The following MAN2B1 variants were observed in gnomAD, a reference collection of about 807,000 sequenced individuals.
MAN2B1 encodes the protein mannosidase alpha class 2B member 1.
In MAN2B1, 99 loss-of-function variants were observed where a neutral mutation model predicts 127.5. That is an observed-to-expected ratio of 0.78 (90% CI 0.66 to 0.92). The LOEUF (loss-of-function observed/expected upper bound fraction) is 0.92, where lower values mean the gene tolerates loss of function less well. MAN2B1 is among the 40% of genes least tolerant of loss of function. MAN2B1 has a pLI of 0.00. For missense variants in MAN2B1, 1,304 were observed against 1,384.8 expected, an observed-to-expected ratio of 0.94 and a Z score of 0.93; for synonymous variants, 573 against 568.8, an observed-to-expected ratio of 1.01 and a Z score of -0.11.
chr19:12,648,390 G>C lies in MAN2B1; in HGVS notation c.2449C>G (p.Leu817Val). 1.2e-6 allele frequency: 2 copies of C among 1,612,208 alleles called. No individual in the cohort carries two copies. Among genetic ancestry groups the C allele is most frequent in the Non-Finnish European group, 1.7e-6 (2 of 1,178,866 alleles). ...GSLELMVHRR[L>V]LKDDGRGVSE... Reference sequence around the variant, plus strand: ...ACTCCGCGTCCATCGTCCTTCAGCAGCCTTCGGTGCACCTGGGGGGAGAGT... The same window carrying C: ...ACTCCGCGTCCATCGTCCTTCAGCACCCTTCGGTGCACCTGGGGGGAGAGT... Residue 817 changes from leucine (L) to valine (V), a missense_variant, in exon 21 of 24, where the codon CTG becomes GTG. Leu to Val is a conservative substitution (Grantham distance 32, BLOSUM62 1). Coordinates refer to ENST00000456935, the MANE Select transcript of MAN2B1 (RefSeq NM_000528.4).
chr19:12,662,034 A>G lies in MAN2B1; in HGVS notation c.910-658T>C, dbSNP rs573070004. Among the ~76,000 whole-genome samples the G allele has an allele frequency of 2.6e-5, 4 of 152,204 alleles. No individual in the cohort carries two copies. The South Asian group carries it at 8.3e-4, about 32-fold the overall frequency. ...TAATTTTTGTATTTTTAGTAGAGAC[A>G]GGGTTTCGTCATTTTGGCTATGCTG... On this transcript the variant is annotated intron_variant, in intron 6 of 23. Transcript: ENST00000456935.
intron 7 of MAN2B1, among the ~76,000 whole-genome samples, chr19:12,659,576 G>A (rs1280059297): frequency 2.6e-5 from 4 of 151,602 alleles, no homozygotes; most frequent in Non-Finnish European, 5.9e-5. Flanking sequence ...CCAACACTTT[G>A]GGAGGCCAAG....
chr19:12,648,437 G>C (rs956839427), intron 20 of MAN2B1, 35 bp from the exon 21 acceptor site: 1 of 1,499,866 alleles, frequency 6.7e-7, no homozygotes, highest in Non-Finnish European at 9.2e-7. Context: ...GGTGAGAGTC[G>C]TGGGTTTGTG....
At position 12,648,223 on chromosome 19, in the gene MAN2B1, G is replaced by T; in HGVS notation, c.2616C>A (p.Ala872=). 6.3e-7 allele frequency: 1 copy of T among 1,579,804 alleles called. No individual in the cohort carries two copies. Among genetic ancestry groups the T allele is most frequent in the Non-Finnish European group, 8.6e-7 (1 of 1,168,868 alleles). The change falls in exon 21 of 24, where the codon GCC becomes GCA. Residue 872 remains alanine (A), a synonymous_variant. Coordinates refer to ENST00000456935, the MANE Select transcript of MAN2B1 (RefSeq NM_000528.4). ...QEVLAPQVVL[A]PGGGAAYNLG... is the part of the protein sequence containing the mutation. ...GATTGTAGGCGGCGCCGCCACCCGG[G>T]GCCAGCACCACCTGAGGGGCCAGGA... is the stretch of plus-strand genomic sequence containing the variant.
In MAN2B1 at chr19:12,652,238, T is replaced by A; in HGVS notation, c.1961A>T (p.Asp654Val). The A allele has an allele frequency of 6.2e-7, 1 of 1,614,170 alleles. No individual in the cohort carries two copies. The highest frequency in any genetic ancestry group is 8.5e-7 in the Non-Finnish European group (1 of 1,180,032). ...GAAGATGTAGGCACCTGAGGCCTGG[T>A]CACTTTCGTTGTCACCTATACTGGC... The part of the protein sequence containing the change: ...YNASIGDNES[D>V]QASGAYIFRP... Residue 654 changes from aspartate (D) to valine (V), a missense_variant, in exon 16 of 24, where the codon GAC becomes GTC. Coordinates refer to ENST00000456935, the MANE Select transcript of MAN2B1 (RefSeq NM_000528.4).
Position 12,657,524 on chromosome 19 carries a change from G to A in MAN2B1, c.1341C>T (p.Asp447=), listed in dbSNP as rs529471612. Residue 447 remains aspartate, a synonymous_variant, in exon 11 of 24, where the codon GAC becomes GAT. Transcript: ENST00000456935. ...NEAMAVLQHH[D]AVSGTSRQHV... ...GCTGGCGGGAGGTGCCGCTGACGGC[G>A]TCGTGATGCTGGAGCACAGCCATCG... The A allele has an allele frequency of 1.3e-6, 2 of 1,565,804 alleles. No homozygotes were observed. Among genetic ancestry groups the A allele is most frequent in the Non-Finnish European group, 1.7e-6 (2 of 1,155,644 alleles).
chr19:12,647,492 C>T lies in MAN2B1; in HGVS notation c.2771G>A (p.Gly924Glu), dbSNP rs1346573313. 1.5e-5 allele frequency: 25 copies of T among 1,614,134 alleles called. No individual in the cohort carries two copies. In the Admixed American group the frequency reaches 4.2e-4, roughly 27 times the overall value. The change falls in exon 22 of 24, where the codon GGA becomes GAA. Residue 924 changes from glycine (G) to glutamate (E), a missense_variant. By Grantham distance (98) the Gly-to-Glu change is moderately conservative. Transcript: ENST00000456935. This position sits in a 1 kb window ranked among gnomAD's most constrained non-coding sequence, Gnocchi z 4.9. ...GCTCAGGTTACGTCCGGAATCCTCTCCTACGGCAAACTGGTGCTCCAAGCG... is the reference window on the plus strand; with the variant it reads ...GCTCAGGTTACGTCCGGAATCCTCTTCTACGGCAAACTGGTGCTCCAAGCG... ...LLRLEHQFAV[G>E]EDSGRNLSAP...
intron 12 of MAN2B1, 72 bp from the exon 13 acceptor site, chr19:12,656,759 A>C: frequency 8.2e-7 from 1 of 1,219,338 alleles, no homozygotes; most frequent in South Asian, 1.2e-5. Context: ...TTTGCACAGA[A>C]ACACCCCTGG....
rs2145221414 is a variant in MAN2B1, at chr19:12,647,494, T to C, written c.2769A>G (p.Val923=). ...VLLRLEHQFA[V]GEDSGRNLSA... ...TCAGGTTACGTCCGGAATCCTCTCCTACGGCAAACTGGTGCTCCAAGCGCA... is the reference window on the plus strand; with the variant it reads ...TCAGGTTACGTCCGGAATCCTCTCCCACGGCAAACTGGTGCTCCAAGCGCA... Residue 923 remains valine, a synonymous_variant, in exon 22 of 24, where the codon GTA becomes GTG. Transcript: ENST00000456935. The surrounding 1 kb of genome is among the most constrained non-coding windows in gnomAD (Gnocchi z 4.9). 3 of 1,614,244 alleles carry C rather than the reference T, an allele frequency of 1.9e-6. No homozygotes were observed. Among genetic ancestry groups the C allele is most frequent in the African/African-American group, 1.3e-5 (1 of 75,068 alleles).
At position 12,663,911 on chromosome 19, in the gene MAN2B1, G is replaced by A. The variant is rs1344548746; in HGVS notation, c.631-76C>T. The A allele has an allele frequency of 2.5e-6, 4 of 1,591,610 alleles. No homozygotes were observed. The East Asian group carries it at 6.7e-5, about 27-fold the overall frequency. ...CCACCAAACTCCCCTCTGCTTGGGA[G>A]GGGCAGGTCAGAGCACAGGTTAAAA... On this transcript the variant is annotated intron_variant, in intron 4 of 23. Transcript: ENST00000456935.
Position 12,647,090 on chromosome 19 carries a change from G to A in MAN2B1, c.2923+143C>T. On this transcript the variant is annotated intron_variant, in intron 23 of 23. Transcript: ENST00000456935. The surrounding 1 kb of genome is among the most constrained non-coding windows in gnomAD (Gnocchi z 4.9). ...GCCGCACCCATTTCAGATCCTTTAA[G>A]CCCCTAACCTGGGTCTGGACTCTGC... The A allele has an allele frequency of 1.3e-6, 1 of 765,904 alleles. No individual in the cohort carries two copies. Among genetic ancestry groups the A allele is most frequent in the Non-Finnish European group, 2.2e-6 (1 of 445,648 alleles). The allele number at this position is 765,904 out of a possible 1,614,324, so 47.4% of individuals were successfully genotyped here.
chr19:12,656,443 C>G, intron 13 of MAN2B1, 128 bp downstream of exon 13: 1 of 717,662 alleles, frequency 1.4e-6, no homozygotes, highest in South Asian at 1.6e-5. Context: ...GGAGAAGATA[C>G]AAGAGGGGGG....
Position 12,665,059 on chromosome 19 carries a change from T to A in MAN2B1, c.437-74A>T, listed in dbSNP as rs2024196375. The A allele has an allele frequency of 5.2e-6, 7 of 1,351,396 alleles. No homozygotes were observed. The South Asian group carries it at 8.2e-5, about 16-fold the overall frequency. The allele number at this position is 1,351,396 out of a possible 1,614,324, so 83.7% of individuals were successfully genotyped here. On this transcript the variant is annotated intron_variant, in intron 3 of 23. Coordinates refer to ENST00000456935, the MANE Select transcript of MAN2B1 (RefSeq NM_000528.4). ...GGAGTAGGGTGGGTGATACTGGGAA[T>A]GTGAAAGCCTGCCTGTGTACACATT...
rs864621985 is a variant in MAN2B1, at chr19:12,657,495, A to G, written c.1370T>C (p.Val457Ala). Residue 457 changes from valine to alanine, a missense_variant, in exon 11 of 24, where the codon GTG (valine) becomes GCG (alanine). Transcript: ENST00000456935. ...AAGCTGGCGCGCGTAGTCGTTGGCC[A>G]CGTGCTGGCGGGAGGTGCCGCTGAC... is the stretch of plus-strand genomic sequence containing the variant. ...DAVSGTSRQH[V>A]ANDYARQLAA... is the part of the protein sequence containing the mutation. The G allele has an allele frequency of 1.9e-6, 3 of 1,572,676 alleles. No homozygotes were observed. The highest frequency in any genetic ancestry group is 1.3e-5 in the African/African-American group (1 of 74,276).
intron 13 of MAN2B1, 40 bp from the exon 14 acceptor site, chr19:12,655,919 A>G: frequency 1.3e-6 from 2 of 1,566,520 alleles, no homozygotes; most frequent in Non-Finnish European, 1.8e-6. Context: ...AAGAGTACCC[A>G]TGGAAAGCTA....
intron 7 of MAN2B1, 105 bp downstream of exon 7, chr19:12,661,155 G>T: frequency 1.2e-6 from 1 of 815,980 alleles, no homozygotes; most frequent in Non-Finnish European, 2.2e-6. Flanking sequence ...GACCACAATA[G>T]AACAATAGAA....
chr19:12,658,167 C>T (rs765385644), intron 9 of MAN2B1, 26 bp from the exon 10 acceptor site: 8 of 1,613,420 alleles, frequency 5.0e-6, no homozygotes, highest in African/African-American at 4.0e-5. Flanking sequence ...TATGTTGGGG[C>T]GCCCAGCCTG....
Position 12,663,785 on chromosome 19 carries a change from C to T in MAN2B1, c.681G>A (p.Trp227Ter). The T allele has an allele frequency of 2.5e-6, 4 of 1,614,054 alleles. No individual in the cohort carries two copies. The highest frequency in any genetic ancestry group is 2.2e-5 in the East Asian group (1 of 44,898). The change falls in exon 5 of 24, where the codon TGG becomes TGA. Residue 227 changes from tryptophan (W) to a stop codon, truncating the protein, a stop_gained. Transcript: ENST00000456935. LOFTEE classifies it high-confidence loss of function. Reference protein sequence around the residue: ...FFGRLDYQDKWVRMQKLEMEQ... With the variant: ...FFGRLDYQDK ...CCATCTCCAGCTTCTGCATCCGTACCCACTTATCTTGATAATCAAGGCGCC... is the reference window on the plus strand; with the variant it reads ...CCATCTCCAGCTTCTGCATCCGTACTCACTTATCTTGATAATCAAGGCGCC...
At position 12,649,173 on chromosome 19, in the gene MAN2B1, C is replaced by A; in HGVS notation, c.2399G>T (p.Gly800Val). 6.2e-7 allele frequency: 1 copy of A among 1,612,712 alleles called. No individual in the cohort carries two copies. Among genetic ancestry groups the A allele is most frequent in the Middle Eastern group, 2.0e-4 (1 of 4,926 alleles). The change falls in exon 20 of 24, where the codon GGG becomes GTG. Residue 800 changes from glycine to valine, a missense_variant. Physicochemically the swap from Gly to Val is moderately radical, Grantham distance 109. Coordinates refer to ENST00000456935, the MANE Select transcript of MAN2B1 (RefSeq NM_000528.4). ...QLTVLTDRSQGGSSLRDGSLE... is the reference protein window; with the variant it reads ...QLTVLTDRSQVGSSLRDGSLE... ...CGAGCCATCTCTCAGGCTGCTGCCCCCCTGGGAGCGGTCAGTCAGCACAGT... is the reference window on the plus strand; with the variant it reads ...CGAGCCATCTCTCAGGCTGCTGCCCACCTGGGAGCGGTCAGTCAGCACAGT...
Sources: allele counts gnomAD v4.1 joint callset (sites outside exome capture counted in the v4.1 genomes callset), GRCh38; gene constraint gnomAD v4.1.1; non-coding constraint Gnocchi (gnomAD v3.1); transcripts MANE v1.5; gene names NCBI Gene and HGNC (gene_info 2026-07-23, HGNC 2026-07-21).